PTPDC1: variants seen among roughly 807,000 people sequenced by gnomAD.
PTPDC1 encodes the protein protein tyrosine phosphatase domain-containing protein 1.
PTPDC1 carries 53 observed loss-of-function variants against 75.3 expected under a neutral mutation model. The ratio of observed to expected loss-of-function variants is 0.70; its 90% confidence interval spans 0.56 to 0.88. The LOEUF (loss-of-function observed/expected upper bound fraction) is 0.88. PTPDC1 is among the 40% of genes least tolerant of loss of function. The pLI, the probability that PTPDC1 is intolerant of heterozygous loss-of-function variation, is 0.00. For missense variants in PTPDC1, 925 were observed against 998.6 expected, an observed-to-expected ratio of 0.93 and a Z score of 0.99; for synonymous variants, 349 against 366.2, an observed-to-expected ratio of 0.95 and a Z score of 0.54.
rs1826302698 is a variant in PTPDC1 at position 94,066,265 on chromosome 9, C to A, written c.82+1444C>A. On this transcript the variant is annotated intron_variant, in intron 2 of 9. Coordinates refer to the PTPDC1 transcript ENST00000375360. ...AAAACATTTTTTAATTAAAATTTTC[C>A]TCTTAGTATAAATGCAGCTAATTTT... 2.6e-5 allele frequency among the ~76,000 whole-genome samples: 4 copies of A among 152,048 alleles called. No homozygotes were observed. In the South Asian group the frequency reaches 8.3e-4, roughly 32 times the overall value.
intron 2 of PTPDC1, among the ~76,000 whole-genome samples, chr9:94,070,682 T>C (rs1019886103): frequency 2.0e-5 from 3 of 152,176 alleles, no homozygotes; most frequent in African/African-American, 7.2e-5. Context: ...CACTCCTAAC[T>C]CTGGCCTGTG....
chr9:94,095,285 G>A lies in PTPDC1; in HGVS notation c.617-32G>A, dbSNP rs1313789196. 3.8e-6 allele frequency: 6 copies of A among 1,573,396 alleles called. No homozygotes were observed. The Middle Eastern group carries it at 1.0e-3, about 265-fold the overall frequency. On this transcript the variant is annotated intron_variant, in intron 4 of 8. Coordinates refer to ENST00000620992, the MANE Select transcript of PTPDC1 (RefSeq NM_001253829.2). ...TTGTACTTTCATTAATTTCCTGTAT[G>A]TTGATTTTCTTTTCCTTTTCTTTTT... is the stretch of plus-strand genomic sequence containing the variant.
chr9:94,088,410 T>G, intron 4 of PTPDC1, 147 bp downstream of exon 4: 1 of 923,288 alleles, frequency 1.1e-6, no homozygotes, highest in South Asian at 1.9e-5. Context: ...ACCATTCTCT[T>G]TGGTATTGCT....
At chr9:94,039,501 A>T (rs952293358) in intron 1 of PTPDC1, among the ~76,000 whole-genome samples, 6 of 152,172 alleles carry the variant, frequency 3.9e-5, no homozygotes, top group African/African-American at 1.4e-4. Flanking sequence ...TGTAGAAAAT[A>T]CCAATAAGGG....
At chr9:94,104,204 C>T (rs1347887646) in intron 7 of PTPDC1, 71 bp from the exon 8 acceptor site, 53 of 978,772 alleles carry the variant, frequency 5.4e-5, no homozygotes, top group East Asian at 4.9e-5. Context: ...CTTGACTCTA[C>T]GATAGTTTTG....
In PTPDC1 at chr9:94,095,325, TA is replaced by T; in HGVS notation, c.626del (p.Tyr209SerfsTer10). ...CTTTTCTTTTTTCCTAGTTTACTTC[TA>T]CAATTTCGGATGGAAGGATTATGGT... ...EAFMEAGIYF[Y>X]NFGWKDYGVA... On this transcript the variant is annotated frameshift_variant, in exon 5 of 9. Coordinates refer to ENST00000620992, the MANE Select transcript of PTPDC1 (RefSeq NM_001253829.2). LOFTEE classifies it high-confidence loss of function. 6.2e-7 allele frequency: 1 copy of T among 1,600,448 alleles called. No individual in the cohort carries two copies. Among genetic ancestry groups the T allele is most frequent in the Non-Finnish European group, 8.5e-7 (1 of 1,175,362 alleles).
intron 1 of PTPDC1, among the ~76,000 whole-genome samples, chr9:94,032,901 G>A (rs757995700): frequency 1.1e-4 from 17 of 151,852 alleles, no homozygotes; most frequent in Non-Finnish European, 1.8e-4. Context: ...TCGCTCAGGT[G>A]CCCAGGCTGG....
At chr9:94,082,404 A>G (rs945679374), upstream of PTPDC1, among the ~76,000 whole-genome samples, 1 of 152,236 alleles carries the variant, frequency 6.6e-6, no homozygotes, top group Non-Finnish European at 1.5e-5. Flanking sequence ...TTGGTGTTCT[A>G]GATCTCACTT....
At chr9:94,081,099 C>G (rs530209574), upstream of PTPDC1, among the ~76,000 whole-genome samples, 1 of 148,262 alleles carries the variant, frequency 6.7e-6, no homozygotes, top group African/African-American at 2.5e-5. Context: ...AAGCAATTCT[C>G]CTGCCTCAGC....
chr9:94,096,065 T>C (rs1260638174), intron 5 of PTPDC1, among the ~76,000 whole-genome samples: 3 of 152,224 alleles, frequency 2.0e-5, no homozygotes, highest in Non-Finnish European at 1.5e-5. Context: ...TGCCCAGAAT[T>C]CTATTAAAAA....
Position 94,070,055 on chromosome 9 carries a change from C to T in PTPDC1, c.82+5234C>T, listed in dbSNP as rs553877268. On this transcript the variant is annotated intron_variant, in intron 2 of 9. Transcript: ENST00000375360. Reference sequence around the variant, plus strand: ...AGCCAGGATGGTCTGGATCTCCTGACCTCGTGATCCGCCCGCCTCTGCCTC... The same window carrying T: ...AGCCAGGATGGTCTGGATCTCCTGATCTCGTGATCCGCCCGCCTCTGCCTC... 4.0e-5 allele frequency among the ~76,000 whole-genome samples: 6 copies of T among 150,668 alleles called. No individual in the cohort carries two copies. The South Asian group carries it at 1.3e-3, about 32-fold the overall frequency.
intron 1 of PTPDC1, among the ~76,000 whole-genome samples, chr9:94,052,029 C>A (rs2118458110): frequency 6.6e-6 from 1 of 152,140 alleles, no homozygotes; most frequent in African/African-American, 2.4e-5. Context: ...TTAGCGGCAT[C>A]CCATAAATTT....
intron 2 of PTPDC1, among the ~76,000 whole-genome samples, chr9:94,067,417 T>TAAA (rs1390954906): frequency 4.0e-5 from 6 of 151,734 alleles, no homozygotes; most frequent in Non-Finnish European, 7.4e-5. Context: ...ATAATAATAA[T>TAAA]AAACCACATT....
chr9:94,061,777 T>C (rs1826148961), intron 1 of PTPDC1, among the ~76,000 whole-genome samples: 1 of 152,230 alleles, frequency 6.6e-6, no homozygotes, highest in South Asian at 2.1e-4. Flanking sequence ...AGCAGGGCCC[T>C]GGGCATAGCC....
chr9:94,087,934 A>G (rs372238421), intron 3 of PTPDC1, 23 bp downstream of exon 3: 133 of 1,583,978 alleles, frequency 8.4e-5, no homozygotes, highest in Non-Finnish European at 1.1e-4. Context: ...TTGTTCACAC[A>G]CGAGTGAGCA....
intron 2 of PTPDC1, among the ~76,000 whole-genome samples, chr9:94,074,324 G>C (rs1826607564): frequency 6.6e-6 from 1 of 152,164 alleles, no homozygotes; most frequent in Non-Finnish European, 1.5e-5. Flanking sequence ...CACCAGTTCT[G>C]TTTGACATCT....
intron 1 of PTPDC1, among the ~76,000 whole-genome samples, chr9:94,047,092 A>G (rs1054281482): frequency 2.6e-5 from 4 of 152,142 alleles, no homozygotes; most frequent in African/African-American, 7.2e-5. Context: ...TTCTGCATCT[A>G]TTGAGATAAT....
intron 1 of PTPDC1, among the ~76,000 whole-genome samples, chr9:94,063,169 C>A (rs971924373): frequency 1.2e-4 from 18 of 152,316 alleles, no homozygotes; most frequent in Non-Finnish European, 8.8e-5. Context: ...CAAGGCAGGA[C>A]CTTCTCTGGG....
chr9:94,084,310 A>G (rs1255799496), upstream of PTPDC1: 3 of 464,062 alleles, frequency 6.5e-6, no homozygotes, highest in Non-Finnish European at 1.1e-5. Flanking sequence ...CTATATTTGA[A>G]CAATTTGTCC....
Sources: allele counts gnomAD v4.1 joint callset (sites outside exome capture counted in the v4.1 genomes callset), GRCh38; gene constraint gnomAD v4.1.1; transcripts MANE v1.5; gene names NCBI Gene and HGNC (gene_info 2026-07-23, HGNC 2026-07-21).